Variants in NT5DC3 observed in about 807,000 individuals in gnomAD.
The protein encoded by NT5DC3 is 5'-nucleotidase domain containing 3.
Under a neutral mutation model 67.8 loss-of-function variants are expected in NT5DC3, and 42 were observed. That is an observed-to-expected ratio of 0.62 (90% CI 0.48 to 0.80). The LOEUF (loss-of-function observed/expected upper bound fraction) is 0.80. Ranked by LOEUF, NT5DC3 falls within the 30% of genes least tolerant of loss-of-function variation. NT5DC3 has a pLI of 0.00. For synonymous variants in NT5DC3, 237 were observed against 255.6 expected, an observed-to-expected ratio of 0.93 and a Z score of 0.69; for missense variants, 570 against 696.4, an observed-to-expected ratio of 0.82 and a Z score of 2.04.
At chr12:103,809,725 C>T (rs1490743851) in intron 2 of NT5DC3, among the ~76,000 whole-genome samples, 1 of 152,206 alleles carries the variant, frequency 6.6e-6, no homozygotes, top group Non-Finnish European at 1.5e-5. Context: ...CACCAGGTCC[C>T]TCCCATGACA....
the NT5DC3 span, chr12:103,749,201 C>T: frequency 6.5e-7 from 1 of 1,543,926 alleles, no homozygotes; most frequent in Non-Finnish European, 8.8e-7. Flanking sequence ...GCGCCGTGGG[C>T]TTCGCTCCTC....
At chr12:103,787,551 T>A in intron 10 of NT5DC3, 24 bp from the exon 11 acceptor site, 1 of 1,333,884 alleles carries the variant, frequency 7.5e-7, no homozygotes, top group Non-Finnish European at 1.1e-6. Flanking sequence ...AAACTATAGT[T>A]ATTATTATTA....
At chr12:103,785,751 TAA>T (rs201632707) in intron 11 of NT5DC3, 4,502 of 361,340 alleles carry the variant, frequency 0.012, 2 homozygotes, top group African/African-American at 0.017. Flanking sequence ...CCATGGTCTG[TAA>T]AAAAAAAAAA....
intron 1 of NT5DC3, among the ~76,000 whole-genome samples, chr12:103,838,131 C>T (rs1888229528): frequency 6.6e-6 from 1 of 152,172 alleles, no homozygotes; most frequent in African/African-American, 2.4e-5. Flanking sequence ...CTGATAAACT[C>T]ATCAGATCTC....
At chr12:103,791,986 T>C (rs1246239807) in intron 9 of NT5DC3, among the ~76,000 whole-genome samples, 1 of 152,142 alleles carries the variant, frequency 6.6e-6, no homozygotes, top group Non-Finnish European at 1.5e-5. Flanking sequence ...CCCTGTGCCA[T>C]AGGATGCACA....
intron 12 of NT5DC3, among the ~76,000 whole-genome samples, chr12:103,783,262 C>T (rs539328683): frequency 6.6e-6 from 1 of 152,112 alleles, no homozygotes; most frequent in Non-Finnish European, 1.5e-5. Flanking sequence ...ACCTCTATAT[C>T]CTAGTGAATC....
At position 103,840,949 on chromosome 12, in the gene NT5DC3, C is replaced by A; in HGVS notation, c.208G>T (p.Glu70Ter). ...GGGGCGGGGTCGCCGCCTCACTCAC[C>A]TTCTGTGCTTCTCTTCGCCTCCCGG... ...RYREAKRSTE[E>*]LVPSIMSNLL... Residue 70 changes from glutamate to a stop codon, truncating the protein, a stop_gained and splice_region_variant, in exon 1 of 14, where the codon GAA becomes TAA. Coordinates refer to ENST00000392876, the MANE Select transcript of NT5DC3 (RefSeq NM_001031701.3). LOFTEE classifies it high-confidence loss of function. 1 of 1,358,068 alleles carries A rather than the reference C, an allele frequency of 7.4e-7. No individual in the cohort carries two copies. The allele number at this position is 1,358,068 out of a possible 1,614,324, so 84.1% of individuals were successfully genotyped here.
intron 9 of NT5DC3, among the ~76,000 whole-genome samples, chr12:103,789,998 T>C (rs1885970841): frequency 6.6e-6 from 1 of 152,200 alleles, no homozygotes; most frequent in Non-Finnish European, 1.5e-5. Context: ...GTACACTAAT[T>C]TATATCCTTT....
At chr12:103,782,423 T>C (rs1442261586) in intron 12 of NT5DC3, among the ~76,000 whole-genome samples, 1 of 152,186 alleles carries the variant, frequency 6.6e-6, no homozygotes, top group African/African-American at 2.4e-5. Context: ...AAGTCAAATT[T>C]CAGTGTCCAC....
intron 2 of NT5DC3, among the ~76,000 whole-genome samples, chr12:103,810,136 AC>A (rs981567736): frequency 2.0e-4 from 30 of 152,130 alleles, no homozygotes; most frequent in African/African-American, 7.2e-4. Flanking sequence ...TTTTAGGTCC[AC>A]CCTACTAGCC....
In NT5DC3 at chr12:103,775,133, C is replaced by A. The variant is rs1885300961; in HGVS notation, c.*2696G>T. 6.6e-6 allele frequency: 1 copy of A among 152,140 alleles called. No individual in the cohort carries two copies. Among genetic ancestry groups the A allele is most frequent in the Non-Finnish European group, 1.5e-5 (1 of 68,034 alleles). 9.4% of individuals were successfully genotyped at this position (152,140 alleles called of 1,614,324 possible). Reference sequence around the variant, plus strand: ...TTCACATGGGAATGACTGTGTTCGGCCCCGTTACCGCCACGACATGGGTCT... The same window carrying A: ...TTCACATGGGAATGACTGTGTTCGGACCCGTTACCGCCACGACATGGGTCT... On this transcript the variant is annotated 3_prime_UTR_variant, in exon 14 of 14. Coordinates refer to ENST00000392876, the MANE Select transcript of NT5DC3 (RefSeq NM_001031701.3).
intron 1 of NT5DC3, among the ~76,000 whole-genome samples, 169 bp downstream of exon 1, chr12:103,840,778 TCG>T (rs1172926690): frequency 6.6e-6 from 1 of 151,892 alleles, no homozygotes; most frequent in African/African-American, 2.4e-5. Flanking sequence ...TTTCCCCGAG[TCG>T]CTCCGCAGGA....
At chr12:103,832,388 C>T (rs1887970271) in intron 1 of NT5DC3, among the ~76,000 whole-genome samples, 1 of 152,044 alleles carries the variant, frequency 6.6e-6, no homozygotes, top group African/African-American at 2.4e-5. Context: ...GGGTTAGGGC[C>T]TCAGAATTTC....
intron 4 of NT5DC3, among the ~76,000 whole-genome samples, chr12:103,806,069 ACT>A (rs1190457966): frequency 6.6e-6 from 1 of 151,780 alleles, no homozygotes; most frequent in African/African-American, 2.4e-5. Context: ...CACCTCTGTC[ACT>A]CTGAACTGCA....
chr12:103,762,178 C>A, the NT5DC3 span: 7 of 1,523,162 alleles, frequency 4.6e-6, no homozygotes, highest in Non-Finnish European at 6.2e-6. Flanking sequence ...GTATTTTTAT[C>A]CCCACTGGCT....
intron 12 of NT5DC3, among the ~76,000 whole-genome samples, chr12:103,783,834 T>C (rs1426342362): frequency 2.6e-5 from 4 of 150,992 alleles, no homozygotes; most frequent in African/African-American, 9.8e-5. Flanking sequence ...AATATACTGA[T>C]ACCATCTACG....
At chr12:103,749,262 C>T in the NT5DC3 span, 3 of 1,238,576 alleles carry the variant, frequency 2.4e-6, no homozygotes, top group South Asian at 1.8e-5. Flanking sequence ...TCTTCCTAAA[C>T]ATTTTTTCTA....
intron 1 of NT5DC3, among the ~76,000 whole-genome samples, chr12:103,833,409 A>G (rs1390171562): frequency 6.6e-6 from 1 of 152,160 alleles, no homozygotes; most frequent in Non-Finnish European, 1.5e-5. Context: ...TGCTTGAGGA[A>G]CTTATGCTTA....
At chr12:103,815,267 G>GACC (rs1887201558) in intron 1 of NT5DC3, 146 bp from the exon 2 acceptor site, 1 of 558,698 alleles carries the variant, frequency 1.8e-6, no homozygotes, top group Non-Finnish European at 3.1e-6. Context: ...AGCCACAAAA[G>GACC]ACCACACGTT....
Sources: gnomAD v4.1 joint callset for allele counts (sites outside exome capture counted in the v4.1 genomes callset) on GRCh38, gnomAD v4.1.1 for gene constraint, MANE v1.5 for transcripts, NCBI Gene and HGNC (gene_info 2026-07-23, HGNC 2026-07-21) for gene names.